The following PCNX2 variants were observed in gnomAD, a reference collection of about 807,000 sequenced individuals.
PCNX2 encodes the protein pecanex-like protein 2.
A neutral mutation model predicts 223.8 loss-of-function variants in PCNX2; 168 were observed. That is an observed-to-expected ratio of 0.75 (90% CI 0.66 to 0.85). The LOEUF (loss-of-function observed/expected upper bound fraction) is 0.85, where lower values mean the gene tolerates loss of function less well. Ranked by LOEUF, PCNX2 falls within the 40% of genes least tolerant of loss-of-function variation. The pLI, the probability that PCNX2 is intolerant of heterozygous loss-of-function variation, is 0.00. For synonymous variants in PCNX2, 1,006 were observed against 1,052.6 expected (o/e 0.96, Z 0.86); for missense variants, 2,507 against 2,675.5 (o/e 0.94, Z 1.39).
At position 233,262,100 on chromosome 1, in the gene PCNX2, A is replaced by G; in HGVS notation, c.425T>C (p.Leu142Pro). The G allele has an allele frequency of 1.2e-6, 2 of 1,613,886 alleles. No homozygotes were observed. Among genetic ancestry groups the G allele is most frequent in the South Asian group, 1.1e-5 (1 of 91,084 alleles). ...GCTTTGCCCTCTGGAGCTGCAGCGG[A>G]GGGGAGGCGTGGAGAGGTTTCGACT... ...EASRNLSTPP[L>P]RCSSRGQSIT... Residue 142 changes from leucine (L) to proline (P), a missense_variant, in exon 3 of 34, where the codon CTC becomes CCC. This residue lies in a region of PCNX2 where 1,031 missense variants were observed against 1,021.7 expected (regional missense o/e 1.01). Transcript: ENST00000258229.
chr1:233,141,132 GAA>G (rs1677085779), intron 19 of PCNX2, among the ~76,000 whole-genome samples: 1 of 152,108 alleles, frequency 6.6e-6, no homozygotes, highest in African/African-American at 2.4e-5. Context: ...TCACAAAAGA[GAA>G]AAAGTTCAAG....
Position 233,054,437 on chromosome 1 carries a change from T to C in PCNX2, c.4182A>G (p.Thr1394=). Residue 1394 remains threonine (T), a synonymous_variant, in exon 25 of 34, where the codon ACA becomes ACG. Transcript: ENST00000258229. The part of the protein sequence containing the change: ...NLNSIFYEHL[T]RTLQESLCGD... ...CACAGAGGGACTCCTGGAGGGTCCT[T>C]GTCAAGTGTTCATAAAAAATGGAAT... The C allele has an allele frequency of 1.2e-6, 2 of 1,613,824 alleles. No homozygotes were observed. The highest frequency in any genetic ancestry group is 1.7e-6 in the Non-Finnish European group (2 of 1,179,790).
intron 4 of PCNX2, among the ~76,000 whole-genome samples, chr1:233,260,325 T>C (rs1659980787): frequency 6.6e-6 from 1 of 152,324 alleles, no homozygotes; most frequent in Admixed American, 6.5e-5. Flanking sequence ...TTAATTGGAA[T>C]GGTGAAATTA....
At chr1:233,024,306 T>G (rs558501524) in intron 26 of PCNX2, among the ~76,000 whole-genome samples, 1 of 152,360 alleles carries the variant, frequency 6.6e-6, no homozygotes, top group African/African-American at 2.4e-5. Flanking sequence ...TTATTTCTGC[T>G]GGACCACCTG....
rs763733701 is a variant in PCNX2, at chr1:233,258,403, G to A, written c.1459C>T (p.Arg487Trp). Residue 487 changes from arginine (R) to tryptophan (W), a missense_variant, in exon 5 of 34, where the codon CGG (arginine) becomes TGG (tryptophan). Arg to Trp is a moderately radical substitution (Grantham distance 101). Transcript: ENST00000258229. Reference protein sequence around the residue: ...NAIKDHSSSSREPWESVSRLT... With the variant: ...NAIKDHSSSSWEPWESVSRLT... ...CGGGACACCGATTCCCAGGGTTCCC[G>A]TGATGAAGAACTGTGATCCTTGATG... 2.2e-5 allele frequency: 36 copies of A among 1,613,804 alleles called. No individual in the cohort carries two copies. The highest frequency in any genetic ancestry group is 2.7e-5 in the African/African-American group (2 of 74,916).
intron 25 of PCNX2, among the ~76,000 whole-genome samples, chr1:233,028,352 T>C (rs1197702883): frequency 2.0e-5 from 3 of 152,236 alleles, no homozygotes; most frequent in South Asian, 4.1e-4. Context: ...ACTATAATTG[T>C]AGATTTTTCT....
chr1:233,225,110 TAAAAAAAAA>T (rs71173259), intron 10 of PCNX2, among the ~76,000 whole-genome samples: 32 of 42,226 alleles, frequency 7.6e-4, no homozygotes, highest in African/African-American at 1.2e-3. Context: ...AGAACTAAAG[TAAAAAAAAA>T]AAAAAAAAAA....
At chr1:233,160,522 C>A in intron 18 of PCNX2, 89 bp from the exon 19 acceptor site, 1 of 1,384,368 alleles carries the variant, frequency 7.2e-7, no homozygotes, top group Non-Finnish European at 9.9e-7. Flanking sequence ...CACTGTCCTT[C>A]CACTTTTTCC....
Position 233,001,754 on chromosome 1 carries a change from C to A in PCNX2, c.4953-73G>T. ...CATTGTGAGCAAAGTTTGAGTCTCCCATTTGTCTAAGAATTATCTTAACAT... is the reference window on the plus strand; with the variant it reads ...CATTGTGAGCAAAGTTTGAGTCTCCAATTTGTCTAAGAATTATCTTAACAT... On this transcript the variant is annotated intron_variant, in intron 28 of 33. Transcript: ENST00000258229. The surrounding 1 kb of genome is among the most constrained non-coding windows in gnomAD (Gnocchi z 4.2). 1 of 1,315,050 alleles carries A rather than the reference C, an allele frequency of 7.6e-7. No individual in the cohort carries two copies. The highest frequency in any genetic ancestry group is 2.8e-5 in the East Asian group (1 of 35,512). The allele number at this position is 1,315,050 out of a possible 1,614,324, so 81.5% of individuals were successfully genotyped here. A position where few individuals can be genotyped will look rare whatever the true frequency, so the allele number is the denominator to read the frequency against.
intron 25 of PCNX2, among the ~76,000 whole-genome samples, chr1:233,045,500 T>G (rs1052788538): frequency 6.6e-6 from 1 of 152,154 alleles, no homozygotes; most frequent in Non-Finnish European, 1.5e-5. Context: ...CCACTGAAAT[T>G]TGGGGCCTAA....
At chr1:233,120,227 A>G (rs1192252493) in intron 21 of PCNX2, among the ~76,000 whole-genome samples, 1 of 151,512 alleles carries the variant, frequency 6.6e-6, no homozygotes, top group Non-Finnish European at 1.5e-5. Flanking sequence ...TAGAGTATAT[A>G]AAGAATTCTC....
At chr1:233,170,172 G>A (rs751535679) in intron 17 of PCNX2, among the ~76,000 whole-genome samples, 1 of 152,182 alleles carries the variant, frequency 6.6e-6, no homozygotes, top group African/African-American at 2.4e-5. Flanking sequence ...TAAGTACCTA[G>A]GAGTAGAATT....
chr1:233,001,278 G>A lies in PCNX2; in HGVS notation c.5097+259C>T, dbSNP rs965328924. Among the ~76,000 whole-genome samples the A allele has an allele frequency of 2.6e-5, 4 of 152,162 alleles. No individual in the cohort carries two copies. The highest frequency in any genetic ancestry group is 7.2e-5 in the African/African-American group (3 of 41,436). On this transcript the variant is annotated intron_variant, in intron 29 of 33. Coordinates refer to ENST00000258229, the MANE Select transcript of PCNX2 (RefSeq NM_014801.4). The surrounding 1 kb of genome is among the most constrained non-coding windows in gnomAD (Gnocchi z 4.2). ...GCAGATCACTTAAGGTCGGGAGTTC[G>A]AGATCAGCCTGACCAACATGGAGAA... is the stretch of plus-strand genomic sequence containing the variant.
chr1:233,130,259 T>TG (rs1374619775), intron 21 of PCNX2, among the ~76,000 whole-genome samples: 1 of 151,988 alleles, frequency 6.6e-6, no homozygotes, highest in Non-Finnish European at 1.5e-5. Flanking sequence ...ATTCTTGAAA[T>TG]CAGTGAGACC....
intron 30 of PCNX2, among the ~76,000 whole-genome samples, chr1:232,999,785 A>G (rs1670015138): frequency 6.6e-6 from 1 of 152,234 alleles, no homozygotes; most frequent in Non-Finnish European, 1.5e-5. Flanking sequence ...ACTTTGGTGT[A>G]AAGCTCTTTT....
chr1:233,307,852 C>T, the PCNX2 span, among the ~76,000 whole-genome samples: 3,152 of 152,266 alleles, frequency 0.021, 118 homozygotes, highest in African/African-American at 0.071. Flanking sequence ...TCAGAGCCCA[C>T]GCTCCAGAGC....
chr1:233,122,281 GAATA>G (rs1434692362), intron 21 of PCNX2, among the ~76,000 whole-genome samples: 2 of 152,074 alleles, frequency 1.3e-5, no homozygotes. Flanking sequence ...ATGAATGAAT[GAATA>G]AAGAGACAAA....
chr1:233,147,286 C>T (rs1231547117), intron 19 of PCNX2, among the ~76,000 whole-genome samples: 3 of 152,154 alleles, frequency 2.0e-5, no homozygotes, highest in Non-Finnish European at 4.4e-5. Context: ...ATGATTAACA[C>T]ATATTTTATC....
chr1:233,210,316 G>A (rs150482205), intron 12 of PCNX2, among the ~76,000 whole-genome samples: 220 of 152,060 alleles, frequency 1.4e-3, no homozygotes, highest in African/African-American at 4.7e-3. Context: ...TCACTCTGTC[G>A]CCCAAGGCTG....
Sources: allele counts gnomAD v4.1 joint callset (sites outside exome capture counted in the v4.1 genomes callset), GRCh38; gene constraint gnomAD v4.1.1; regional missense constraint gnomAD v4.1.1; non-coding constraint Gnocchi (gnomAD v3.1); transcripts MANE v1.5; gene names NCBI Gene and HGNC (gene_info 2026-07-23, HGNC 2026-07-21).